PCSK5: variants seen among roughly 807,000 people sequenced by gnomAD.
PCSK5 encodes the protein proprotein convertase subtilisin/kexin type 5.
PCSK5 carries 129 observed loss-of-function variants against 233.2 expected under a neutral mutation model. That is an observed-to-expected ratio of 0.55 (90% CI 0.48 to 0.64). The LOEUF (loss-of-function observed/expected upper bound fraction) is 0.64, where lower values mean the gene tolerates loss of function less well. Among genes scored for constraint, PCSK5 ranks in the 30% least tolerant of loss-of-function variants. The pLI, the probability that PCSK5 is intolerant of heterozygous loss-of-function variation, is 0.00. For synonymous variants in PCSK5, 825 were observed against 879.2 expected (o/e 0.94, Z 1.09); for missense variants, 2,076 against 2,430.1 (o/e 0.85, Z 3.06).
At chr9:75,963,663 G>A (rs186014681) in intron 2 of PCSK5, among the ~76,000 whole-genome samples, 6 of 152,302 alleles carry the variant, frequency 3.9e-5, no homozygotes, top group East Asian at 1.9e-4. Context: ...GGCGGATCAC[G>A]AGGTTAGGAG....
At chr9:76,212,691 C>A (rs1235712446) in intron 20 of PCSK5, among the ~76,000 whole-genome samples, 2 of 152,200 alleles carry the variant, frequency 1.3e-5, no homozygotes, top group Admixed American at 1.3e-4. Flanking sequence ...AGGTTGTCAT[C>A]ATTTATCAGT....
At chr9:76,150,815 G>A (rs756199147) in intron 10 of PCSK5, among the ~76,000 whole-genome samples, 28 of 152,188 alleles carry the variant, frequency 1.8e-4, no homozygotes, top group African/African-American at 3.9e-4. Flanking sequence ...AAGAGTACGC[G>A]AAGAAGAGGT....
At chr9:76,092,182 A>G (rs1475680254) in intron 7 of PCSK5, among the ~76,000 whole-genome samples, 1 of 152,138 alleles carries the variant, frequency 6.6e-6, no homozygotes, top group Non-Finnish European at 1.5e-5. Context: ...ATTCTTTATC[A>G]GTTCTAATTC....
At chr9:76,138,265 G>T (rs1322590816) in intron 10 of PCSK5, among the ~76,000 whole-genome samples, 1 of 151,990 alleles carries the variant, frequency 6.6e-6, no homozygotes, top group Admixed American at 6.6e-5. Flanking sequence ...CAATCTGCCA[G>T]GTCATGTTAG....
At chr9:76,004,397 C>T (rs1664903813) in intron 3 of PCSK5, among the ~76,000 whole-genome samples, 1 of 152,042 alleles carries the variant, frequency 6.6e-6, no homozygotes, top group African/African-American at 2.4e-5. Context: ...ACTTTGTTCA[C>T]TTGGTGGATT....
chr9:75,899,595 T>G (rs371900436), intron 1 of PCSK5, among the ~76,000 whole-genome samples: 49 of 152,178 alleles, frequency 3.2e-4, no homozygotes, highest in African/African-American at 1.1e-3. Context: ...CAACATTTTC[T>G]CCCCTAAATT....
chr9:76,029,791 C>T (rs566049609), intron 5 of PCSK5, among the ~76,000 whole-genome samples: 3 of 152,224 alleles, frequency 2.0e-5, no homozygotes, highest in East Asian at 1.9e-4. Flanking sequence ...AGAGGAGGTA[C>T]GTAGGCAAGG....
chr9:76,203,223 C>T (rs1824984919), intron 20 of PCSK5, among the ~76,000 whole-genome samples: 1 of 152,002 alleles, frequency 6.6e-6, no homozygotes, highest in Non-Finnish European at 1.5e-5. Context: ...ACCATTGGCA[C>T]AAACTCATTA....
chr9:76,189,325 C>T, intron 19 of PCSK5, 102 bp downstream of exon 19: 1 of 1,011,436 alleles, frequency 9.9e-7, no homozygotes. Flanking sequence ...AATGATAACA[C>T]TAGGTTTAAA....
chr9:75,978,809 T>G (rs1371296128), intron 2 of PCSK5, among the ~76,000 whole-genome samples: 2 of 151,952 alleles, frequency 1.3e-5, no homozygotes, highest in Non-Finnish European at 2.9e-5. Context: ...CCTAGTACAA[T>G]GATCTACATA....
intron 5 of PCSK5, among the ~76,000 whole-genome samples, chr9:76,048,679 G>A (rs1490094599): frequency 6.6e-6 from 1 of 152,124 alleles, no homozygotes. Context: ...AATACATGTA[G>A]TACACGACTA....
intron 5 of PCSK5, among the ~76,000 whole-genome samples, chr9:76,058,140 T>C (rs1829891153): frequency 6.6e-6 from 1 of 152,244 alleles, no homozygotes; most frequent in Non-Finnish European, 1.5e-5. Context: ...ATTGCAACCA[T>C]GCCCGACCTT....
Position 76,289,525 on chromosome 9 carries a change from C to CA in PCSK5, c.3143-2707dup, listed in dbSNP as rs1564159652. ...CACACACACACGCAACATACACACA[C>CA]ACACACACACACACACACACACTAG... On this transcript the variant is annotated intron_variant, in intron 24 of 37. Coordinates refer to ENST00000674117, the MANE Select transcript of PCSK5 (RefSeq NM_001372043.1). Among the ~76,000 whole-genome samples the CA allele has an allele frequency of 5.0e-4, 47 of 93,080 alleles. 1 individual carries two copies. The highest frequency in any genetic ancestry group is 1.6e-3 in the African/African-American group (44 of 28,326). The allele number at this position is 93,080 out of a possible 152,430, so 61.1% of individuals were successfully genotyped here.
intron 24 of PCSK5, among the ~76,000 whole-genome samples, 199 bp from the exon 25 acceptor site, chr9:76,292,034 C>A (rs1828292822): frequency 6.6e-6 from 1 of 152,132 alleles, no homozygotes; most frequent in South Asian, 2.1e-4. Flanking sequence ...ATTCTTACTA[C>A]CTTTGATAAA....
chr9:76,026,946 C>G lies in PCSK5; in HGVS notation c.556-15C>G, dbSNP rs757563679. 30 of 1,594,572 alleles carry G rather than the reference C, an allele frequency of 1.9e-5. No homozygotes were observed. The South Asian group carries it at 3.0e-4, about 16-fold the overall frequency. On this transcript the variant is annotated splice_polypyrimidine_tract_variant and intron_variant, in intron 4 of 37. Transcript: ENST00000674117. ...GTCCATTTCCTTTCCCTTGCTCTCT[C>G]CTCTGTGGCCATAGGATGCTCTGGC...
chr9:75,949,298 G>GGC (rs1485629333), intron 2 of PCSK5, among the ~76,000 whole-genome samples: 1 of 151,580 alleles, frequency 6.6e-6, no homozygotes, highest in Non-Finnish European at 1.5e-5. Context: ...TAAGTACTGA[G>GGC]GCATAACTTT....
intron 35 of PCSK5, among the ~76,000 whole-genome samples, chr9:76,339,748 T>C (rs1829778276): frequency 6.6e-6 from 1 of 152,096 alleles, no homozygotes; most frequent in Non-Finnish European, 1.5e-5. Context: ...TTTCACCATA[T>C]TGATCAGGCT....
At position 76,230,554 on chromosome 9, in the gene PCSK5, T is replaced by C. The variant is rs566237233; in HGVS notation, c.2730-2906T>C. On this transcript the variant is annotated intron_variant, in intron 21 of 37. Transcript: ENST00000674117. ...GGTCCCCAAACTCCAGGCCATGAAC[T>C]GATATTGGTTCATGGCCTATTAGGA... 5.1e-4 allele frequency among the ~76,000 whole-genome samples: 77 copies of C among 152,182 alleles called. 1 individual carries two copies. The highest frequency in any genetic ancestry group is 1.0e-3 in the Non-Finnish European group (69 of 68,036).
At chr9:76,320,883 C>T (rs2001866) in intron 30 of PCSK5, among the ~76,000 whole-genome samples, 29,418 of 150,396 alleles carry the variant, frequency 0.2, 3,057 homozygotes, top group African/African-American at 0.25. Flanking sequence ...GGCATGATCT[C>T]GGCTCACTGC....
Sources: allele counts gnomAD v4.1 joint callset (sites outside exome capture counted in the v4.1 genomes callset), GRCh38; gene constraint gnomAD v4.1.1; transcripts MANE v1.5; gene names NCBI Gene and HGNC (gene_info 2026-07-23, HGNC 2026-07-21).